The following LRRC4C variants were observed in gnomAD, a reference collection of about 807,000 sequenced individuals.
The protein encoded by LRRC4C is leucine-rich repeat-containing protein 4C.
In LRRC4C, 5 loss-of-function variants were observed where a neutral mutation model predicts 33.6. That is an observed-to-expected ratio of 0.15 (90% CI 0.08 to 0.31). The LOEUF is 0.31. Among genes scored for constraint, LRRC4C ranks in the 10% least tolerant of loss-of-function variants. The pLI is 1.00. For synonymous variants in LRRC4C, 329 were observed against 302.0 expected (o/e 1.09, Z -0.93); for missense variants, 560 against 796.7 (o/e 0.70, Z 3.58).
intron 2 of LRRC4C, among the ~76,000 whole-genome samples, chr11:40,753,445 C>T (rs979691364): frequency 6.7e-6 from 1 of 149,876 alleles, no homozygotes; most frequent in Non-Finnish European, 1.5e-5. Context: ...CATAAAAAAC[C>T]AATATATGCT....
At chr11:41,338,183 C>T (rs1677105883) in intron 1 of LRRC4C, among the ~76,000 whole-genome samples, 1 of 152,134 alleles carries the variant, frequency 6.6e-6, no homozygotes, top group Non-Finnish European at 1.5e-5. Flanking sequence ...GCAAGAAATC[C>T]CATTACTGGG....
rs529382371 is a variant in LRRC4C, at chr11:40,999,355, A to T, written c.-495-65632T>A. Among the ~76,000 whole-genome samples, 60 of 152,318 alleles carry T rather than the reference A, an allele frequency of 3.9e-4. No homozygotes were observed. In the South Asian group the frequency reaches 0.012, roughly 32 times the overall value. ...AAGGTATCCACATTTTAAAAAAATT[A>T]AAACTCTACTACGGACAGTCTGTAA... On this transcript the variant is annotated intron_variant, in intron 1 of 6. Coordinates refer to ENST00000528697, the MANE Select transcript of LRRC4C (RefSeq NM_001258419.2).
intron 2 of LRRC4C, among the ~76,000 whole-genome samples, chr11:40,667,422 C>G (rs1253874003): frequency 6.6e-6 from 1 of 152,062 alleles, no homozygotes; most frequent in Non-Finnish European, 1.5e-5. Flanking sequence ...GAGTTGCCTC[C>G]CAATGCGACA....
intron 1 of LRRC4C, among the ~76,000 whole-genome samples, chr11:41,060,729 C>T (rs1937698477): frequency 6.6e-6 from 1 of 152,046 alleles, no homozygotes; most frequent in Non-Finnish European, 1.5e-5. Context: ...TATTGTTAAC[C>T]TTCTTAAAAC....
intron 2 of LRRC4C, among the ~76,000 whole-genome samples, chr11:40,893,261 G>A (rs1955799341): frequency 6.6e-6 from 1 of 151,950 alleles, no homozygotes; most frequent in Non-Finnish European, 1.5e-5. Context: ...AATGAGGATT[G>A]TTATTAGGTA....
At chr11:41,203,688 G>A (rs983578998) in intron 1 of LRRC4C, among the ~76,000 whole-genome samples, 2 of 152,120 alleles carry the variant, frequency 1.3e-5, no homozygotes, top group Admixed American at 6.5e-5. Context: ...TGACCTCTCT[G>A]TGCCTCAGTT....
At chr11:40,288,919 ATC>A (rs1211244944) in intron 4 of LRRC4C, among the ~76,000 whole-genome samples, 7 of 152,194 alleles carry the variant, frequency 4.6e-5, no homozygotes, top group African/African-American at 9.6e-5. Flanking sequence ...AATACCAGAA[ATC>A]TCTTATTCAA....
intron 1 of LRRC4C, among the ~76,000 whole-genome samples, chr11:41,261,333 T>G (rs914712004): frequency 4.6e-5 from 7 of 152,242 alleles, no homozygotes; most frequent in Non-Finnish European, 8.8e-5. Context: ...GAATAAATTT[T>G]TATTATTTAT....
chr11:40,123,790 G>A (rs1486079723), intron 6 of LRRC4C, among the ~76,000 whole-genome samples: 2 of 151,960 alleles, frequency 1.3e-5, no homozygotes, highest in Admixed American at 6.6e-5. Context: ...AAGCTATCCT[G>A]AACAAAAAGA....
intron 2 of LRRC4C, among the ~76,000 whole-genome samples, chr11:40,881,489 C>T (rs1220725434): frequency 6.6e-6 from 1 of 152,076 alleles, no homozygotes; most frequent in Non-Finnish European, 1.5e-5. Flanking sequence ...ATGGTCTTCC[C>T]TCCCAAGAAT....
intron 2 of LRRC4C, among the ~76,000 whole-genome samples, chr11:40,777,513 T>G (rs544036851): frequency 1.7e-3 from 256 of 150,898 alleles, no homozygotes; most frequent in Middle Eastern, 6.8e-3. Flanking sequence ...TTTTTTTTTT[T>G]TTTTGTTTAA....
chr11:41,432,664 G>A (rs1030001735), intron 1 of LRRC4C, among the ~76,000 whole-genome samples: 1 of 151,972 alleles, frequency 6.6e-6, no homozygotes, highest in Non-Finnish European at 1.5e-5. Flanking sequence ...ACACACACAT[G>A]CACAGGCACA....
intron 1 of LRRC4C, among the ~76,000 whole-genome samples, chr11:41,109,153 A>G (rs1007635020): frequency 6.6e-6 from 1 of 151,902 alleles, no homozygotes; most frequent in African/African-American, 2.4e-5. Flanking sequence ...TCCCTTTCCA[A>G]TCCCAGAAAA....
At chr11:40,404,091 G>T (rs1949868129) in intron 3 of LRRC4C, among the ~76,000 whole-genome samples, 2 of 152,156 alleles carry the variant, frequency 1.3e-5, no homozygotes, top group South Asian at 2.1e-4. Flanking sequence ...AAAAGTGCTT[G>T]TTCGTAGTGG....
At chr11:40,631,523 C>T (rs1963477508) in intron 3 of LRRC4C, among the ~76,000 whole-genome samples, 1 of 151,088 alleles carries the variant, frequency 6.6e-6, no homozygotes, top group Admixed American at 6.6e-5. Context: ...CGAACTCTGA[C>T]TCTGTTGCTC....
intron 1 of LRRC4C, chr11:41,423,886 C>T (rs1226762335): frequency 6.6e-6 from 1 of 152,006 alleles, no homozygotes; most frequent in Non-Finnish European, 1.5e-5. Flanking sequence ...ACCCAAATCT[C>T]ATCTTGAATT....
intron 2 of LRRC4C, among the ~76,000 whole-genome samples, chr11:40,671,748 C>A (rs992751364): frequency 6.7e-6 from 1 of 148,342 alleles, no homozygotes; most frequent in African/African-American, 2.5e-5. Flanking sequence ...CTCAAATAAC[C>A]CTCATCTTCA....
intron 3 of LRRC4C, among the ~76,000 whole-genome samples, chr11:40,630,422 T>TTC (rs1491251922): frequency 3.6e-5 from 2 of 56,100 alleles, no homozygotes; most frequent in Admixed American, 2.0e-4. Flanking sequence ...CTTCTTCTTC[T>TTC]TTTTTTTTTT....
intron 1 of LRRC4C, among the ~76,000 whole-genome samples, chr11:41,397,869 T>A (rs1953879347): frequency 6.6e-6 from 1 of 151,868 alleles, no homozygotes; most frequent in Admixed American, 6.6e-5. Context: ...TAGAAAATTA[T>A]TATTATATAT....
Sources: allele counts gnomAD v4.1 joint callset (sites outside exome capture counted in the v4.1 genomes callset), GRCh38; gene constraint gnomAD v4.1.1; transcripts MANE v1.5; gene names NCBI Gene and HGNC (gene_info 2026-07-23, HGNC 2026-07-21).